The following ADCY1 variants were observed in gnomAD, a reference collection of about 807,000 sequenced individuals.
The protein encoded by ADCY1 is adenylate cyclase 1, also known as adenylate cyclase type 1.
ADCY1 carries 28 observed loss-of-function variants against 105.4 expected under a neutral mutation model. That is an observed-to-expected ratio of 0.27 (90% CI 0.20 to 0.36). The LOEUF (loss-of-function observed/expected upper bound fraction) is 0.36, where lower values mean the gene tolerates loss of function less well. Ranked by LOEUF, ADCY1 falls within the 10% of genes least tolerant of loss-of-function variation. ADCY1 has a pLI of 1.00. For missense variants in ADCY1, 977 were observed against 1,434.2 expected (o/e 0.68, Z 5.15); for synonymous variants, 655 against 623.8 (o/e 1.05, Z -0.75).
Position 45,714,328 on chromosome 7 carries a change from A to C in ADCY1, c.*333A>C. ...TTCAGGTTTGGCCAGGTCGGCATCA[A>C]TGTAAGGACCTTCAGAGCATCCCAG... On this transcript the variant is annotated 3_prime_UTR_variant, in exon 20 of 20. Transcript: ENST00000297323. The C allele has an allele frequency of 6.0e-6, 2 of 330,694 alleles. No individual in the cohort carries two copies. The highest frequency in any genetic ancestry group is 1.1e-5 in the Non-Finnish European group (2 of 178,610). 20.5% of individuals were successfully genotyped at this position (330,694 alleles called of 1,614,324 possible).
At chr7:45,613,530 A>G (rs1793648161) in intron 3 of ADCY1, among the ~76,000 whole-genome samples, 1 of 152,214 alleles carries the variant, frequency 6.6e-6, no homozygotes, top group Admixed American at 6.5e-5. Flanking sequence ...TGTACACACA[A>G]CACATACACA....
chr7:45,663,544 G>T (rs1416258349), intron 8 of ADCY1, among the ~76,000 whole-genome samples: 7 of 152,220 alleles, frequency 4.6e-5, no homozygotes, highest in Non-Finnish European at 1.0e-4. Context: ...TATTTGGCTG[G>T]ATCGGTGGGC....
chr7:45,613,882 A>G (rs1521472), intron 3 of ADCY1, among the ~76,000 whole-genome samples: 14,868 of 152,236 alleles, frequency 0.098, 768 homozygotes, highest in South Asian at 0.17. Flanking sequence ...GTGCTGAAAG[A>G]AAATAACTGC....
At chr7:45,579,956 CCCCTTCCCCCCTCG>C in intron 1 of ADCY1, among the ~76,000 whole-genome samples, 1 of 149,302 alleles carries the variant, frequency 6.7e-6, no homozygotes, top group African/African-American at 2.5e-5. Context: ...CCCCCCCTTC[CCCCTTCCCCCCTCG>C]CCCCCATTTT....
chr7:45,635,771 T>A (rs1794388301), intron 4 of ADCY1, among the ~76,000 whole-genome samples: 1 of 152,018 alleles, frequency 6.6e-6, no homozygotes, highest in Admixed American at 6.5e-5. Context: ...AGAATATGGC[T>A]TACTTTGGTG....
Position 45,714,727 on chromosome 7 carries a change from C to T in ADCY1, c.*732C>T, listed in dbSNP as rs1023770932. On this transcript the variant is annotated 3_prime_UTR_variant, in exon 20 of 20. Transcript: ENST00000297323. Reference sequence around the variant, plus strand: ...TCAGGGGGGCCCTGTGACCCCCTCTCCACAACCATGGCCAGCATCGGCTTC... The same window carrying T: ...TCAGGGGGGCCCTGTGACCCCCTCTTCACAACCATGGCCAGCATCGGCTTC... 1.3e-5 allele frequency: 2 copies of T among 152,670 alleles called. No individual in the cohort carries two copies. The highest frequency in any genetic ancestry group is 2.4e-5 in the African/African-American group (1 of 41,468). The allele number at this position is 152,670 out of a possible 1,614,324, so 9.5% of individuals were successfully genotyped here.
chr7:45,586,553 A>G (rs1461529615), intron 1 of ADCY1, among the ~76,000 whole-genome samples: 1 of 152,236 alleles, frequency 6.6e-6, no homozygotes, highest in Non-Finnish European at 1.5e-5. Flanking sequence ...TGCTAATTCT[A>G]AAACGCTTTT....
chr7:45,590,573 T>A (rs1459387971), intron 1 of ADCY1, among the ~76,000 whole-genome samples: 1 of 152,086 alleles, frequency 6.6e-6, no homozygotes, highest in Non-Finnish European at 1.5e-5. Flanking sequence ...CCTAACATGC[T>A]CTGCGTTTTG....
At chr7:45,653,106 C>T (rs1794853602) in intron 5 of ADCY1, among the ~76,000 whole-genome samples, 1 of 152,190 alleles carries the variant, frequency 6.6e-6, no homozygotes, top group Admixed American at 6.5e-5. Context: ...CTGTTTGGGC[C>T]AGGTGGTTCC....
chr7:45,607,750 A>G (rs1358306832), intron 2 of ADCY1, among the ~76,000 whole-genome samples: 2 of 152,200 alleles, frequency 1.3e-5, no homozygotes, highest in Non-Finnish European at 2.9e-5. Context: ...AGCTGCATCC[A>G]TGTTGCTGTA....
intron 14 of ADCY1, among the ~76,000 whole-genome samples, chr7:45,694,526 C>T (rs1784846150): frequency 6.6e-6 from 1 of 152,130 alleles, no homozygotes; most frequent in Non-Finnish European, 1.5e-5. Context: ...AAAGGTCTCT[C>T]TCAAATCACC....
chr7:45,595,048 A>G (rs1289844001), intron 2 of ADCY1, among the ~76,000 whole-genome samples: 2 of 152,206 alleles, frequency 1.3e-5, no homozygotes, highest in African/African-American at 4.8e-5. Flanking sequence ...ACATTTAGAT[A>G]CCACGTTCTA....
At chr7:45,683,210 A>G (rs1039408240) in intron 11 of ADCY1, among the ~76,000 whole-genome samples, 1 of 152,104 alleles carries the variant, frequency 6.6e-6, no homozygotes, top group South Asian at 2.1e-4. Context: ...TTTTTCACCC[A>G]CTTGGAGAGG....
rs938869599 is a variant in ADCY1 at position 45,703,561 on chromosome 7, C to T, written c.2572-39C>T. 3 of 1,611,868 alleles carry T rather than the reference C, an allele frequency of 1.9e-6. No homozygotes were observed. The highest frequency in any genetic ancestry group is 2.5e-6 in the Non-Finnish European group (3 of 1,178,396). ...CTCTGGCCACCCCACTTGGCGCTCACCTGGCTGACCCTTCCTGACCCATCC... is the reference window on the plus strand; with the variant it reads ...CTCTGGCCACCCCACTTGGCGCTCATCTGGCTGACCCTTCCTGACCCATCC... On this transcript the variant is annotated intron_variant, in intron 15 of 19. Transcript: ENST00000297323. The surrounding 1 kb of genome is among the most constrained non-coding windows in gnomAD (Gnocchi z 5.9).
chr7:45,676,766 C>T (rs933123798), intron 8 of ADCY1, among the ~76,000 whole-genome samples: 9 of 151,922 alleles, frequency 5.9e-5, no homozygotes, highest in Non-Finnish European at 1.2e-4. Flanking sequence ...TGCCTCCTCA[C>T]AGCCTAATAA....
intron 14 of ADCY1, among the ~76,000 whole-genome samples, chr7:45,691,820 G>A (rs950835113): frequency 6.6e-6 from 1 of 152,180 alleles, no homozygotes; most frequent in East Asian, 1.9e-4. Context: ...GGAATTTCTG[G>A]TGGCAGAAGC....
At chr7:45,706,492 C>CAAAAAAAAAAAAAA (rs58794109) in intron 17 of ADCY1, among the ~76,000 whole-genome samples, 5 of 59,460 alleles carry the variant, frequency 8.4e-5, no homozygotes, top group Admixed American at 2.3e-4. Flanking sequence ...ACATCACATG[C>CAAAAAAAAAAAAAA]AAAAAAAAAA....
chr7:45,592,377 T>C (rs1186808529), intron 1 of ADCY1, among the ~76,000 whole-genome samples: 1 of 152,178 alleles, frequency 6.6e-6, no homozygotes, highest in Non-Finnish European at 1.5e-5. Flanking sequence ...TCCCTTCTTA[T>C]AAGGACACCA....
intron 14 of ADCY1, among the ~76,000 whole-genome samples, chr7:45,694,131 A>C (rs1052667971): frequency 3.3e-5 from 5 of 151,116 alleles, no homozygotes; most frequent in Non-Finnish European, 7.4e-5. Context: ...AAAAAAAAAA[A>C]AAAAAACACT....
Sources: allele counts gnomAD v4.1 joint callset (sites outside exome capture counted in the v4.1 genomes callset), GRCh38; gene constraint gnomAD v4.1.1; non-coding constraint Gnocchi (gnomAD v3.1); transcripts MANE v1.5; gene names NCBI Gene and HGNC (gene_info 2026-07-23, HGNC 2026-07-21).